Variants in WLS observed in about 807,000 individuals in gnomAD.
The protein encoded by WLS is Wnt ligand secretion mediator, also known as protein wntless homolog.
WLS carries 23 observed loss-of-function variants against 62.8 expected under a neutral mutation model. The ratio of observed to expected loss-of-function variants is 0.37; its 90% CI spans 0.26 to 0.52. The LOEUF is 0.52. Among genes scored for constraint, WLS ranks in the 20% least tolerant of loss-of-function variants. The pLI is 0.92. For synonymous variants in WLS, 246 were observed against 244.1 expected, an observed-to-expected ratio of 1.01 and a Z score of -0.07; for missense variants, 615 against 697.3, an observed-to-expected ratio of 0.88 and a Z score of 1.33.
chr1:68,178,639 G>T (rs946753094), intron 2 of WLS, among the ~76,000 whole-genome samples: 2 of 151,406 alleles, frequency 1.3e-5, no homozygotes. Flanking sequence ...CCAGGAGGGG[G>T]AGGTTGCGGT....
At chr1:68,166,595 T>A (rs572037530) in intron 2 of WLS, among the ~76,000 whole-genome samples, 1 of 152,270 alleles carries the variant, frequency 6.6e-6, no homozygotes, top group Admixed American at 6.5e-5. Context: ...TCAAGCATAC[T>A]TGGTCAAAGA....
chr1:68,203,486 A>T (rs1402147022), intron 1 of WLS, among the ~76,000 whole-genome samples: 1 of 152,228 alleles, frequency 6.6e-6, no homozygotes, highest in African/African-American at 2.4e-5. Flanking sequence ...AGCCAGCAAG[A>T]TAGCTTTTCT....
At chr1:68,113,840 T>C (rs1277783721) in intron 11 of WLS, among the ~76,000 whole-genome samples, 1 of 152,200 alleles carries the variant, frequency 6.6e-6, no homozygotes, top group Non-Finnish European at 1.5e-5. Flanking sequence ...CAAGCTGTCC[T>C]ACAGTGAAAG....
chr1:68,217,566 A>C (rs1016640366), intron 1 of WLS, among the ~76,000 whole-genome samples: 2 of 152,250 alleles, frequency 1.3e-5, no homozygotes, highest in African/African-American at 4.8e-5. Context: ...ACAAAGCCAT[A>C]ACAGAACCCC....
rs758654600 is a variant in WLS, at chr1:68,132,139, TTGAC to T, written c.1516+5637_1516+5640del. Among the ~76,000 whole-genome samples the T allele has an allele frequency of 4.6e-5, 7 of 152,166 alleles. No individual in the cohort carries two copies. In the South Asian group the frequency reaches 1.0e-3, roughly 22 times the overall value. On this transcript the variant is annotated intron_variant, in intron 11 of 11. Coordinates refer to ENST00000262348, the MANE Select transcript of WLS (RefSeq NM_024911.7). ...TAAGACTCAGAAAAAATGATTTTAA[TTGAC>T]TGGGCCAGGAAAGGTCAGGTCACTG...
In WLS at chr1:68,150,218, G is replaced by C. The variant is rs1646807914; in HGVS notation, c.942C>G (p.Phe314Leu). The C allele has an allele frequency of 1.2e-6, 2 of 1,614,058 alleles. No homozygotes were observed. The highest frequency in any genetic ancestry group is 1.7e-6 in the Non-Finnish European group (2 of 1,180,046). ...QGIFYAMLLSFWIIFCGEHMM... is the reference protein window; with the variant it reads ...QGIFYAMLLSLWIIFCGEHMM... Reference sequence around the variant, plus strand: ...TGTGCTCGCCACAGAAGATGATCCAGAAGGACAGAAGCATCGCATAGAAGA... The same window carrying C: ...TGTGCTCGCCACAGAAGATGATCCACAAGGACAGAAGCATCGCATAGAAGA... The change falls in exon 6 of 12, where the codon TTC (phenylalanine) becomes TTG (leucine). Residue 314 changes from phenylalanine (F) to leucine (L), a missense_variant. By Grantham distance (22) the Phe-to-Leu change is conservative. Transcript: ENST00000262348.
intron 1 of WLS, among the ~76,000 whole-genome samples, chr1:68,210,593 G>T (rs1175726652): frequency 6.6e-6 from 1 of 152,182 alleles, no homozygotes; most frequent in Non-Finnish European, 1.5e-5. Flanking sequence ...CATCTCTCTT[G>T]GGAGACCCAG....
In WLS at chr1:68,107,815, A is replaced by C. The variant is rs74693809; in HGVS notation, c.1511-9062T>G. Among the ~76,000 whole-genome samples, 461 of 152,300 alleles carry C rather than the reference A, an allele frequency of 3.0e-3. 5 individuals carry two copies. Among genetic ancestry groups the C allele is most frequent in the African/African-American group, 0.011 (441 of 41,570 alleles). The stretch of plus-strand genomic sequence containing the variant: ...GTGGATAATCTACCCCATCATGGGC[A>C]CAACGGTAGAAGCGGCAGCACAGAG... On this transcript the variant is annotated intron_variant, in intron 11 of 11. Coordinates refer to the WLS transcript ENST00000354777.
intron 1 of WLS, among the ~76,000 whole-genome samples, chr1:68,201,355 G>T (rs572822845): frequency 5.9e-5 from 9 of 152,296 alleles, no homozygotes; most frequent in African/African-American, 1.9e-4. Flanking sequence ...GCATTAAATT[G>T]ACTTAGTACT....
chr1:68,162,350 G>A lies in WLS; in HGVS notation c.380-3103C>T, dbSNP rs991550568. 5 of 1,613,852 alleles carry A rather than the reference G, an allele frequency of 3.1e-6. No individual in the cohort carries two copies. In the African/African-American group the frequency reaches 4.0e-5, roughly 13 times the overall value. On this transcript the variant is annotated intron_variant, in intron 2 of 11. Coordinates refer to ENST00000262348, the MANE Select transcript of WLS (RefSeq NM_024911.7). The stretch of plus-strand genomic sequence containing the variant: ...AAGTCATTGATGAGGTGGTGGTTAT[G>A]TTCGTTGAGATTGCAGTGCAAGGAG...
rs945714971 is a variant in WLS, at chr1:68,113,189, C to T, written c.1511-14436G>A. On this transcript the variant is annotated intron_variant, in intron 11 of 11. Coordinates refer to the WLS transcript ENST00000354777. ...CCTGAGTCATCCAACCTCGCATGTC[C>T]GTAAAAATATCCGTATCCTTATAGG... 4.6e-5 allele frequency among the ~76,000 whole-genome samples: 7 copies of T among 152,196 alleles called. No homozygotes were observed. The East Asian group carries it at 5.8e-4, about 13-fold the overall frequency.
rs1287250265 is a variant in WLS, at chr1:68,138,168, T to C, written c.1363-235A>G. ...CAGTGGTCCTTACCTTGCCCACAGA[T>C]TAGTATCACCTGGGGAGTGTCTCTT... On this transcript the variant is annotated intron_variant, in intron 10 of 11. Coordinates refer to ENST00000262348, the MANE Select transcript of WLS (RefSeq NM_024911.7). The C allele has an allele frequency of 5.6e-6, 3 of 531,788 alleles. No individual in the cohort carries two copies. In the African/African-American group the frequency reaches 5.7e-5, roughly 10 times the overall value. 32.9% of individuals were successfully genotyped at this position (531,788 alleles called of 1,614,324 possible). A position where few individuals can be genotyped will look rare whatever the true frequency, so the allele number is the denominator to read the frequency against.
intron 11 of WLS, among the ~76,000 whole-genome samples, chr1:68,132,772 CAAA>C (rs1300956266): frequency 1.3e-5 from 2 of 152,088 alleles, no homozygotes; most frequent in African/African-American, 4.8e-5. Flanking sequence ...ATTTTATAAT[CAAA>C]AGAACACAAA....
At chr1:68,180,470 G>A (rs1263738961) in intron 2 of WLS, among the ~76,000 whole-genome samples, 1 of 151,986 alleles carries the variant, frequency 6.6e-6, no homozygotes, top group Non-Finnish European at 1.5e-5. Flanking sequence ...AATGTCTTTG[G>A]GAATGTGTCT....
At chr1:68,139,654 A>T (rs1025338455) in intron 10 of WLS, among the ~76,000 whole-genome samples, 13 of 152,230 alleles carry the variant, frequency 8.5e-5, no homozygotes, top group Non-Finnish European at 1.0e-4. Context: ...CTCAATATTG[A>T]CAATTTTAGT....
intron 11 of WLS, among the ~76,000 whole-genome samples, chr1:68,106,720 G>GTGTGTGTA (rs1646149602): frequency 2.0e-5 from 1 of 50,624 alleles, no homozygotes; most frequent in African/African-American, 1.0e-4. Context: ...TTGTCACTGT[G>GTGTGTGTA]TGTGTGTGTG....
At chr1:68,101,330 G>T (rs1646075713) in intron 11 of WLS, among the ~76,000 whole-genome samples, 1 of 150,742 alleles carries the variant, frequency 6.6e-6, no homozygotes, top group South Asian at 2.1e-4. Flanking sequence ...ATTATTATAG[G>T]CATCAGCAAC....
intron 2 of WLS, among the ~76,000 whole-genome samples, chr1:68,191,265 C>G (rs1423347678): frequency 6.6e-6 from 1 of 151,918 alleles, no homozygotes; most frequent in Non-Finnish European, 1.5e-5. Flanking sequence ...AACAGAATAC[C>G]ACGTCCTTTA....
chr1:68,157,587 T>TG (rs1214267155), intron 3 of WLS, among the ~76,000 whole-genome samples: 2 of 151,690 alleles, frequency 1.3e-5, no homozygotes, highest in Admixed American at 1.3e-4. Flanking sequence ...TGACTTTTTT[T>TG]TTTTTAACTT....
Sources: gnomAD v4.1 joint callset for allele counts (sites outside exome capture counted in the v4.1 genomes callset) on GRCh38, gnomAD v4.1.1 for gene constraint, MANE v1.5 for transcripts, NCBI Gene and HGNC (gene_info 2026-07-23, HGNC 2026-07-21) for gene names.